Variants in HYCC2 observed in about 807,000 individuals in gnomAD.
HYCC2 encodes hyccin PI4KA lipid kinase complex subunit 2, also known as hyccin 2.
chr2:201,064,395 G>T, the HYCC2 span, among the ~76,000 whole-genome samples: 935 of 151,932 alleles, frequency 6.2e-3, 4 homozygotes, highest in African/African-American at 0.021. Context: ...TTAATGTGCT[G>T]TGTAAAGTTA....
chr2:201,071,437 C>G, the HYCC2 span: 43 of 152,768 alleles, frequency 2.8e-4, no homozygotes, highest in African/African-American at 9.9e-4. Context: ...CTCCTCACGA[C>G]CCTCCCAAGA....
chr2:200,978,331 C>T, the HYCC2 span: 1 of 152,062 alleles, frequency 6.6e-6, no homozygotes, highest in Non-Finnish European at 1.5e-5. Flanking sequence ...AATGTTTCTT[C>T]ACTGAGGTCA....
the HYCC2 span, chr2:201,022,518 G>C: frequency 4.4e-6 from 1 of 224,744 alleles, no homozygotes; most frequent in African/African-American, 2.3e-5. Context: ...GTTAAAATAT[G>C]GCTTCCAGAG....
chr2:200,983,089 G>A, the HYCC2 span, among the ~76,000 whole-genome samples: 2 of 152,124 alleles, frequency 1.3e-5, no homozygotes, highest in East Asian at 3.8e-4. Context: ...GGTTTTTGTA[G>A]GAAGAAGAGA....
the HYCC2 span, chr2:201,063,317 CAGAAGGTGGATGGAAG>C: frequency 1.3e-6 from 2 of 1,539,930 alleles, no homozygotes; most frequent in South Asian, 2.2e-5. Context: ...TGCAAGGCCA[CAGAAGGTGGATGGAAG>C]AGTCGTGGAA....
chr2:201,064,772 G>C, the HYCC2 span, among the ~76,000 whole-genome samples: 1 of 152,114 alleles, frequency 6.6e-6, no homozygotes, highest in Admixed American at 6.5e-5. Flanking sequence ...AAAATCTTCT[G>C]TGTATCTGCT....
the HYCC2 span, among the ~76,000 whole-genome samples, chr2:201,066,263 AG>A: frequency 6.6e-6 from 1 of 152,048 alleles, no homozygotes; most frequent in Non-Finnish European, 1.5e-5. Context: ...TAGTAGAGAC[AG>A]GGTTTCACCA....
chr2:201,071,165 A>G, the HYCC2 span, among the ~76,000 whole-genome samples: 2 of 152,078 alleles, frequency 1.3e-5, no homozygotes, highest in Non-Finnish European at 2.9e-5. Flanking sequence ...GCCAGTAAAT[A>G]TTTTTCTTCT....
At chr2:201,045,955 T>C in the HYCC2 span, among the ~76,000 whole-genome samples, 1 of 151,894 alleles carries the variant, frequency 6.6e-6, no homozygotes, top group African/African-American at 2.4e-5. Flanking sequence ...GATTTTTCTT[T>C]CTCTCTCTCT....
chr2:201,006,116 G>A, the HYCC2 span, among the ~76,000 whole-genome samples: 1 of 149,046 alleles, frequency 6.7e-6, no homozygotes, highest in Non-Finnish European at 1.5e-5. Flanking sequence ...ACAGGCGTGA[G>A]CTATCGCGCC....
chr2:201,050,627 T>G, the HYCC2 span, among the ~76,000 whole-genome samples: 1 of 149,338 alleles, frequency 6.7e-6, no homozygotes, highest in African/African-American at 2.5e-5. Flanking sequence ...AATAAAGACT[T>G]CCTATTTTTA....
chr2:201,057,826 C>T, the HYCC2 span, among the ~76,000 whole-genome samples: 1 of 152,132 alleles, frequency 6.6e-6, no homozygotes, highest in East Asian at 1.9e-4. Flanking sequence ...AAAGGGAACT[C>T]CCAGTAGGCA....
the HYCC2 span, among the ~76,000 whole-genome samples, chr2:200,999,538 A>G: frequency 6.6e-5 from 10 of 151,534 alleles, no homozygotes; most frequent in Non-Finnish European, 1.3e-4. Context: ...GGTGCCCACC[A>G]CTACACTTGG....
the HYCC2 span, chr2:200,976,897 T>C: frequency 6.6e-6 from 1 of 152,206 alleles, no homozygotes. Flanking sequence ...CAATACTCTA[T>C]TGTGCAATAT....
chr2:201,030,927 C>G, the HYCC2 span, among the ~76,000 whole-genome samples: 4 of 152,256 alleles, frequency 2.6e-5, no homozygotes, highest in South Asian at 8.3e-4. Context: ...AAACCCTTAT[C>G]TGTCCAATAA....
chr2:201,051,668 A>AATAAAG, the HYCC2 span, among the ~76,000 whole-genome samples: 3 of 152,228 alleles, frequency 2.0e-5, no homozygotes, highest in South Asian at 6.2e-4. Flanking sequence ...TTCGAGAGAA[A>AATAAAG]ATAAAGATGG....
chr2:201,034,646 AT>A, the HYCC2 span, among the ~76,000 whole-genome samples: 1 of 152,146 alleles, frequency 6.6e-6, no homozygotes, highest in African/African-American at 2.4e-5. Flanking sequence ...TGATCCTGTC[AT>A]TATGATGTTA....
At chr2:201,027,392 G>A in the HYCC2 span, among the ~76,000 whole-genome samples, 1 of 152,090 alleles carries the variant, frequency 6.6e-6, no homozygotes, top group Non-Finnish European at 1.5e-5. Context: ...GGTACAAAGA[G>A]GAGCTGGCAC....
the HYCC2 span, among the ~76,000 whole-genome samples, chr2:201,018,321 T>A: frequency 2.8e-4 from 43 of 152,148 alleles, no homozygotes; most frequent in Non-Finnish European, 4.7e-4. Flanking sequence ...CAAGAAACTA[T>A]AAAGTAATTT....
Sources: gnomAD v4.1 joint callset for allele counts (sites outside exome capture counted in the v4.1 genomes callset) on GRCh38, gnomAD v4.1.1 for gene constraint, MANE v1.5 for transcripts, NCBI Gene and HGNC (gene_info 2026-07-23, HGNC 2026-07-21) for gene names.